The following ARHGAP42 variants were observed in gnomAD, a reference collection of about 807,000 sequenced individuals.
ARHGAP42 encodes the protein rho GTPase-activating protein 42.
ARHGAP42 carries 63 observed loss-of-function variants against 125.0 expected under a neutral mutation model. The observed-to-expected ratio is 0.50, with a 90% CI of 0.41 to 0.62. ARHGAP42 has a LOEUF of 0.62. ARHGAP42 is among the 20% of genes least tolerant of loss of function. ARHGAP42 has a pLI of 0.00. For synonymous variants in ARHGAP42, 339 were observed against 351.0 expected (o/e 0.97, Z 0.38); for missense variants, 766 against 1,024.2 (o/e 0.75, Z 3.44).
chr11:100,733,170 A>G (rs972054587), intron 1 of ARHGAP42, among the ~76,000 whole-genome samples: 3 of 152,222 alleles, frequency 2.0e-5, no homozygotes, highest in East Asian at 1.9e-4. Flanking sequence ...GCAGATTCCA[A>G]TGAGCTGGTT....
At chr11:100,811,343 G>A (rs1162759192) in intron 3 of ARHGAP42, among the ~76,000 whole-genome samples, 3 of 152,188 alleles carry the variant, frequency 2.0e-5, no homozygotes, top group African/African-American at 7.2e-5. Context: ...GAAAATTGTT[G>A]CTTTGTAGGA....
chr11:100,959,507 C>T lies in ARHGAP42; in HGVS notation c.1163-376C>T, dbSNP rs117845673. 7.4e-3 allele frequency among the ~76,000 whole-genome samples: 1,127 copies of T among 151,876 alleles called. 7 individuals carry two copies. The highest frequency in any genetic ancestry group is 0.013 in the South Asian group (63 of 4,814). ...TTACCTCATAATGTTTTGAGAATCG[C>T]GGGAAAGGATATGTGAAAGGCTTTA... On this transcript the variant is annotated intron_variant, in intron 12 of 23. Coordinates refer to ENST00000298815, the MANE Select transcript of ARHGAP42 (RefSeq NM_152432.4).
chr11:100,775,165 C>A (rs1432540406), intron 2 of ARHGAP42, among the ~76,000 whole-genome samples: 1 of 152,110 alleles, frequency 6.6e-6, no homozygotes, highest in Non-Finnish European at 1.5e-5. Flanking sequence ...GGGAAGTGGC[C>A]TATTGAGTCC....
At chr11:100,738,199 T>G (rs1322404519) in intron 1 of ARHGAP42, among the ~76,000 whole-genome samples, 1 of 152,218 alleles carries the variant, frequency 6.6e-6, no homozygotes, top group Non-Finnish European at 1.5e-5. Flanking sequence ...ACTGACTTGG[T>G]TAAAATTATT....
intron 6 of ARHGAP42, among the ~76,000 whole-genome samples, chr11:100,928,114 C>CTACA (rs1867478633): frequency 6.6e-6 from 1 of 152,128 alleles, no homozygotes; most frequent in South Asian, 2.1e-4. Context: ...ATTGCAAAGA[C>CTACA]TACAGATTTA....
At chr11:100,886,473 T>C (rs1591268170) in intron 4 of ARHGAP42, among the ~76,000 whole-genome samples, 1 of 152,230 alleles carries the variant, frequency 6.6e-6, no homozygotes, top group East Asian at 1.9e-4. Flanking sequence ...TGTAAATTAT[T>C]AGTTATTTAG....
chr11:100,803,651 C>T (rs2135047253), intron 3 of ARHGAP42, among the ~76,000 whole-genome samples: 1 of 152,284 alleles, frequency 6.6e-6, no homozygotes, highest in Admixed American at 6.5e-5. Flanking sequence ...TTCCTTAGGA[C>T]AGAAGGTCCA....
chr11:100,810,590 A>G (rs1299074580), intron 3 of ARHGAP42, among the ~76,000 whole-genome samples: 3 of 149,550 alleles, frequency 2.0e-5, no homozygotes, highest in Non-Finnish European at 4.4e-5. Context: ...GCCTTGGTGG[A>G]AAAAAAACTG....
intron 4 of ARHGAP42, among the ~76,000 whole-genome samples, chr11:100,880,876 T>C (rs1171959568): frequency 6.6e-6 from 1 of 152,236 alleles, no homozygotes; most frequent in Admixed American, 6.5e-5. Context: ...CATATGTTTG[T>C]TGGCCATTTG....
In ARHGAP42 at chr11:100,905,526, A is replaced by G. The variant is rs923061011; in HGVS notation, c.385-7926A>G. ...TACATTTTTTAAAAGATCAACGCTC[A>G]TTGTCCACATAACAATATAATTATG... On this transcript the variant is annotated intron_variant, in intron 4 of 23. Transcript: ENST00000298815. Among the ~76,000 whole-genome samples the G allele has an allele frequency of 3.3e-5, 5 of 152,348 alleles. No individual in the cohort carries two copies. In the East Asian group the frequency reaches 7.7e-4, roughly 24 times the overall value.
At chr11:100,867,815 T>A (rs911448111) in intron 4 of ARHGAP42, among the ~76,000 whole-genome samples, 36 of 152,236 alleles carry the variant, frequency 2.4e-4, no homozygotes, top group Admixed American at 1.6e-3. Context: ...AGCTTTTGAT[T>A]TGAAATGGTA....
chr11:100,691,045 C>G (rs1861180714), intron 1 of ARHGAP42, among the ~76,000 whole-genome samples: 1 of 152,178 alleles, frequency 6.6e-6, no homozygotes, highest in African/African-American at 2.4e-5. Flanking sequence ...CTCTCTTAGT[C>G]CTAACTTTCA....
At chr11:100,927,135 A>G (rs1194897690) in intron 6 of ARHGAP42, among the ~76,000 whole-genome samples, 1 of 152,222 alleles carries the variant, frequency 6.6e-6, no homozygotes, top group South Asian at 2.1e-4. Context: ...TATTATCAAG[A>G]CGTATACTAT....
intron 2 of ARHGAP42, among the ~76,000 whole-genome samples, chr11:100,791,277 G>T (rs770200784): frequency 2.6e-5 from 4 of 152,142 alleles, no homozygotes; most frequent in Non-Finnish European, 4.4e-5. Flanking sequence ...GATGGGCCAG[G>T]CAGGGAAGTG....
At chr11:100,709,446 G>A (rs1231309358) in intron 1 of ARHGAP42, among the ~76,000 whole-genome samples, 3 of 152,122 alleles carry the variant, frequency 2.0e-5, no homozygotes, top group African/African-American at 7.2e-5. Flanking sequence ...TGGACAGTGG[G>A]GTGATTCATG....
At chr11:100,913,106 A>G (rs1376211641) in intron 4 of ARHGAP42, among the ~76,000 whole-genome samples, 1 of 152,122 alleles carries the variant, frequency 6.6e-6, no homozygotes, top group African/African-American at 2.4e-5. Flanking sequence ...ATCAGAATCT[A>G]TTGTTAAGAG....
intron 18 of ARHGAP42, among the ~76,000 whole-genome samples, 189 bp from the exon 19 acceptor site, chr11:100,974,270 T>C (rs1054403837): frequency 2.0e-5 from 3 of 152,184 alleles, no homozygotes; most frequent in Non-Finnish European, 4.4e-5. Context: ...ATTTTACTTT[T>C]GGGAAATGGG....
In ARHGAP42 at chr11:100,696,991, C is replaced by T. The variant is rs569604204; in HGVS notation, c.154+9159C>T. Among the ~76,000 whole-genome samples the T allele has an allele frequency of 1.6e-3, 240 of 152,026 alleles. 1 individual carries two copies. The highest frequency in any genetic ancestry group is 3.4e-3 in the Middle Eastern group (1 of 294). The stretch of plus-strand genomic sequence containing the variant: ...GGGGAACCATCTCTAGGAGGGTTGT[C>T]AATGTCAGGTAACATGTAAAAAAAA... On this transcript the variant is annotated intron_variant, in intron 1 of 23. Transcript: ENST00000298815.
chr11:100,984,288 G>A (rs955548113), intron 22 of ARHGAP42, among the ~76,000 whole-genome samples: 1 of 151,804 alleles, frequency 6.6e-6, no homozygotes, highest in Non-Finnish European at 1.5e-5. Flanking sequence ...TTCTTCAATA[G>A]CATTATCTAT....
Sources: allele counts gnomAD v4.1 joint callset (sites outside exome capture counted in the v4.1 genomes callset), GRCh38; gene constraint gnomAD v4.1.1; transcripts MANE v1.5; gene names NCBI Gene and HGNC (gene_info 2026-07-23, HGNC 2026-07-21).